Variants in COL24A1 observed in about 807,000 individuals in gnomAD.
The protein encoded by COL24A1 is collagen type XXIV alpha 1 chain.
COL24A1 carries 224 observed loss-of-function variants against 253.9 expected under a neutral mutation model. That is an observed-to-expected ratio of 0.88 (90% CI 0.79 to 0.99). COL24A1 has a LOEUF of 0.99. Ranked by LOEUF, COL24A1 falls within the 50% of genes least tolerant of loss-of-function variation. COL24A1 has a pLI of 0.00. For missense variants in COL24A1, 2,131 were observed against 2,068.5 expected (o/e 1.03, Z -0.59); for synonymous variants, 685 against 673.7 (o/e 1.02, Z -0.26).
chr1:85,842,781 C>T (rs374213662), intron 39 of COL24A1, among the ~76,000 whole-genome samples: 37 of 152,030 alleles, frequency 2.4e-4, no homozygotes, highest in Admixed American at 1.2e-3. Flanking sequence ...ATTGTCACTA[C>T]GGGATCCAGA....
intron 13 of COL24A1, 41 bp from the exon 14 acceptor site, chr1:86,031,963 C>T (rs1003146765): frequency 2.4e-5 from 36 of 1,497,934 alleles, no homozygotes; most frequent in Non-Finnish European, 3.0e-5. Context: ...AAATTTGATT[C>T]CCAACTACTA....
intron 31 of COL24A1, among the ~76,000 whole-genome samples, chr1:85,894,289 T>G (rs2102782609): frequency 6.6e-6 from 1 of 152,314 alleles, no homozygotes. Context: ...GTAATTTAAT[T>G]CTTCCAGGAG....
chr1:85,908,336 A>G (rs946832466), intron 27 of COL24A1, among the ~76,000 whole-genome samples: 2 of 151,660 alleles, frequency 1.3e-5, no homozygotes, highest in Non-Finnish European at 3.0e-5. Flanking sequence ...CTGTTTCCTT[A>G]TATGTGGTTA....
intron 20 of COL24A1, among the ~76,000 whole-genome samples, chr1:85,986,194 A>G (rs1693706455): frequency 6.6e-6 from 1 of 151,862 alleles, no homozygotes; most frequent in Non-Finnish European, 1.5e-5. Flanking sequence ...TCTTGAAAAC[A>G]GGGATCAGGA....
Position 85,818,041 on chromosome 1 carries a change from C to G in COL24A1, c.3836G>C (p.Gly1279Ala), listed in dbSNP as rs1353705080. The change falls in exon 46 of 60, where the codon GGG becomes GCG. Residue 1279 changes from glycine to alanine, a missense_variant. Gly to Ala is a moderately conservative substitution (Grantham distance 60). Transcript: ENST00000370571. ...AAGAGGCCTGTTACTTACAGGAATC[C>G]CAGGTTTCCCAGAAGGACCAGGAGC... ...KGAPGPSGKP[G>A]IPGLQGLLGP... The G allele has an allele frequency of 6.2e-7, 1 of 1,613,386 alleles. No individual in the cohort carries two copies. The highest frequency in any genetic ancestry group is 1.3e-5 in the African/African-American group (1 of 74,962).
intron 43 of COL24A1, among the ~76,000 whole-genome samples, chr1:85,828,414 A>T (rs1674694066): frequency 6.6e-6 from 1 of 150,948 alleles, no homozygotes; most frequent in Non-Finnish European, 1.5e-5. Flanking sequence ...TTTGGGGTGG[A>T]GAGTTCTGTA....
chr1:85,870,220 A>C (rs1253914010), intron 35 of COL24A1, among the ~76,000 whole-genome samples: 5 of 152,188 alleles, frequency 3.3e-5, no homozygotes, highest in Admixed American at 6.5e-5. Flanking sequence ...ACCTACAAAG[A>C]GACTTAGACT....
chr1:86,114,059 T>G (rs1705885259), intron 4 of COL24A1, among the ~76,000 whole-genome samples: 1 of 152,030 alleles, frequency 6.6e-6, no homozygotes, highest in Admixed American at 6.6e-5. Flanking sequence ...ACAATAGCTT[T>G]AGGAAAAATT....
chr1:85,813,949 T>C (rs920723887), intron 47 of COL24A1, among the ~76,000 whole-genome samples: 3 of 152,178 alleles, frequency 2.0e-5, no homozygotes, highest in African/African-American at 7.2e-5. Context: ...AGTCCAATGG[T>C]GGCCATGTTG....
intron 24 of COL24A1, among the ~76,000 whole-genome samples, chr1:85,936,326 C>T (rs1041489027): frequency 1.4e-5 from 2 of 147,066 alleles, no homozygotes; most frequent in African/African-American, 5.0e-5. Context: ...TGTAAGAAAA[C>T]GTAACCCAGT....
chr1:85,970,425 C>T (rs77608415), intron 21 of COL24A1, among the ~76,000 whole-genome samples, 154 bp from the exon 22 acceptor site: 2,820 of 152,242 alleles, frequency 0.019, 87 homozygotes, highest in African/African-American at 0.063. Context: ...AACTCCATCA[C>T]CCCACAACAC....
intron 7 of COL24A1, among the ~76,000 whole-genome samples, chr1:86,074,036 A>G (rs1014207467): frequency 6.6e-6 from 1 of 152,236 alleles, no homozygotes; most frequent in Non-Finnish European, 1.5e-5. Context: ...CATTGACACC[A>G]TAAAGAAACT....
intron 19 of COL24A1, among the ~76,000 whole-genome samples, chr1:85,996,406 T>A (rs995729069): frequency 1.1e-4 from 16 of 152,030 alleles, no homozygotes; most frequent in African/African-American, 3.9e-4. Flanking sequence ...CTGAGCACGG[T>A]GGCTCACACC....
chr1:85,983,922 T>A (rs1051420712), intron 20 of COL24A1, among the ~76,000 whole-genome samples: 1 of 152,000 alleles, frequency 6.6e-6, no homozygotes, highest in Admixed American at 6.6e-5. Context: ...GTGTATAACA[T>A]CAATTAGTCT....
At chr1:85,744,299 G>A (rs1320255570) in intron 57 of COL24A1, among the ~76,000 whole-genome samples, 1 of 151,996 alleles carries the variant, frequency 6.6e-6, no homozygotes, top group Admixed American at 6.6e-5. Flanking sequence ...CAGACTTTTA[G>A]GGAGTATGGT....
rs1167958680 is a variant in COL24A1, at chr1:85,970,244, C to T, written c.2446G>A (p.Gly816Arg). ...QGEEGPIGAFGELGPRGKPGQ... is the reference protein window; with the variant it reads ...QGEEGPIGAFRELGPRGKPGQ... Reference sequence around the variant, plus strand: ...ATACCTACTCTTGGCCCCAGTTCCCCAAAGGCTCCAATTGGTCCTTCTTCT... The same window carrying T: ...ATACCTACTCTTGGCCCCAGTTCCCTAAAGGCTCCAATTGGTCCTTCTTCT... The change falls in exon 22 of 60, where the codon GGG becomes AGG. Residue 816 changes from glycine to arginine, a missense_variant. By Grantham distance (125) the Gly-to-Arg change is moderately radical. Coordinates refer to ENST00000370571, the MANE Select transcript of COL24A1 (RefSeq NM_152890.7). The T allele has an allele frequency of 6.3e-7, 1 of 1,594,234 alleles. No individual in the cohort carries two copies. The highest frequency in any genetic ancestry group is 8.5e-7 in the Non-Finnish European group (1 of 1,171,346).
At chr1:85,962,202 C>A (rs1333785197) in intron 23 of COL24A1, among the ~76,000 whole-genome samples, 2 of 152,112 alleles carry the variant, frequency 1.3e-5, no homozygotes, top group African/African-American at 2.4e-5. Context: ...GTCTTAGGAG[C>A]AGGCACCCTG....
chr1:85,777,375 A>G (rs1231772099), intron 52 of COL24A1, among the ~76,000 whole-genome samples: 1 of 152,164 alleles, frequency 6.6e-6, no homozygotes, highest in Non-Finnish European at 1.5e-5. Flanking sequence ...TGACAAATAC[A>G]TTTATGTATG....
intron 24 of COL24A1, among the ~76,000 whole-genome samples, chr1:85,919,405 A>G (rs2102993480): frequency 6.6e-6 from 1 of 152,334 alleles, no homozygotes; most frequent in South Asian, 2.1e-4. Context: ...TGGGCCAGGC[A>G]TGGTGGCTCA....
Sources: gnomAD v4.1 joint callset for allele counts (sites outside exome capture counted in the v4.1 genomes callset) on GRCh38, gnomAD v4.1.1 for gene constraint, MANE v1.5 for transcripts, NCBI Gene and HGNC (gene_info 2026-07-23, HGNC 2026-07-21) for gene names.